SLC16A10: variants seen among roughly 807,000 people sequenced by gnomAD.
SLC16A10 encodes solute carrier family 16 member 10.
In SLC16A10, 27 loss-of-function variants were observed where a neutral mutation model predicts 40.0. The observed-to-expected ratio is 0.67, with a 90% CI of 0.50 to 0.93. The LOEUF (loss-of-function observed/expected upper bound fraction) is 0.93, where lower values mean the gene tolerates loss of function less well. Among genes scored for constraint, SLC16A10 ranks in the 40% least tolerant of loss-of-function variants. SLC16A10 has a pLI of 0.00. For missense variants in SLC16A10, 529 were observed against 658.2 expected (o/e 0.80, Z 2.15); for synonymous variants, 213 against 249.8 (o/e 0.85, Z 1.39).
chr6:111,106,521 G>A (rs1463671600), intron 1 of SLC16A10, among the ~76,000 whole-genome samples: 1 of 152,134 alleles, frequency 6.6e-6, no homozygotes, highest in Non-Finnish European at 1.5e-5. Flanking sequence ...GTGTCTGGTG[G>A]CAACTGAGAA....
At chr6:111,167,533 C>G (rs1249875186) in intron 1 of SLC16A10, among the ~76,000 whole-genome samples, 1 of 151,978 alleles carries the variant, frequency 6.6e-6, no homozygotes, top group Non-Finnish European at 1.5e-5. Flanking sequence ...TGTTAACTTT[C>G]GAGGAGAGAT....
chr6:111,111,228 A>T (rs1026158484), intron 1 of SLC16A10, among the ~76,000 whole-genome samples: 1 of 152,216 alleles, frequency 6.6e-6, no homozygotes, highest in Non-Finnish European at 1.5e-5. Flanking sequence ...TGTAAAAAAA[A>T]TTGACAGATA....
chr6:111,092,477 G>A (rs1351125720), intron 1 of SLC16A10, among the ~76,000 whole-genome samples: 1 of 151,356 alleles, frequency 6.6e-6, no homozygotes, highest in Non-Finnish European at 1.5e-5. Context: ...CACCACACCT[G>A]GCTAATTTTT....
chr6:111,130,209 A>AT (rs1216939123), intron 1 of SLC16A10, among the ~76,000 whole-genome samples: 1 of 152,206 alleles, frequency 6.6e-6, no homozygotes, highest in African/African-American at 2.4e-5. Context: ...GTACTGTAGC[A>AT]TGTATAGTCA....
At chr6:111,189,610 G>A (rs1444057342) in intron 3 of SLC16A10, among the ~76,000 whole-genome samples, 4 of 152,166 alleles carry the variant, frequency 2.6e-5, no homozygotes, top group African/African-American at 9.7e-5. Context: ...TGGACTTAAA[G>A]TTCCACATGG....
rs570020883 is a variant in SLC16A10, at chr6:111,197,853, T to C, written c.943-8739T>C. On this transcript the variant is annotated intron_variant, in intron 3 of 5. Coordinates refer to ENST00000368851, the MANE Select transcript of SLC16A10 (RefSeq NM_018593.5). ...GTGAACACAAGCAATAACTCACTTA[T>C]CACCAAGGGAATGGTGCTAAGCCAC... Among the ~76,000 whole-genome samples the C allele has an allele frequency of 1.8e-4, 27 of 152,210 alleles. No individual in the cohort carries two copies. In the South Asian group the frequency reaches 5.6e-3, roughly 32 times the overall value.
intron 1 of SLC16A10, among the ~76,000 whole-genome samples, chr6:111,156,942 G>A (rs537010896): frequency 2.6e-5 from 4 of 152,070 alleles, no homozygotes; most frequent in East Asian, 1.9e-4. Flanking sequence ...ATTTTGAGAC[G>A]GAGTCTTGTT....
intron 3 of SLC16A10, among the ~76,000 whole-genome samples, chr6:111,182,310 C>CTTTTTT (rs372963281): frequency 1.5e-4 from 16 of 103,628 alleles, no homozygotes; most frequent in African/African-American, 3.7e-4. Context: ...CTCTGGGTTT[C>CTTTTTT]TTTTTTTTTT....
chr6:111,229,139 G>A lies in SLC16A10; in HGVS notation c.*6904G>A, dbSNP rs1771062086. 6.6e-6 allele frequency: 1 copy of A among 151,420 alleles called. No homozygotes were observed. Among genetic ancestry groups the A allele is most frequent in the Non-Finnish European group, 1.5e-5 (1 of 67,946 alleles). The allele number at this position is 151,420 out of a possible 1,614,324, so 9.4% of individuals were successfully genotyped here. A position where few individuals can be genotyped will look rare whatever the true frequency, so the allele number is the denominator to read the frequency against. On this transcript the variant is annotated 3_prime_UTR_variant, in exon 6 of 6. Coordinates refer to ENST00000368851, the MANE Select transcript of SLC16A10 (RefSeq NM_018593.5). ...CAAAGATTATTAGATCAAGATTGGT[G>A]CTATACTTCATGTTCCTTTCAAAAT... is the stretch of plus-strand genomic sequence containing the variant.
intron 3 of SLC16A10, among the ~76,000 whole-genome samples, chr6:111,182,276 C>T (rs868413889): frequency 1.4e-5 from 2 of 147,142 alleles, no homozygotes; most frequent in Non-Finnish European, 3.0e-5. Flanking sequence ...GCTGGGATTA[C>T]GGGTGTGAGC....
intron 1 of SLC16A10, among the ~76,000 whole-genome samples, chr6:111,121,734 A>T (rs12196955): frequency 6.6e-6 from 1 of 152,158 alleles, no homozygotes; most frequent in African/African-American, 2.4e-5. Flanking sequence ...AGCCAGGGCC[A>T]GATTCCTGGG....
chr6:111,190,461 C>T (rs1772971058), intron 3 of SLC16A10, among the ~76,000 whole-genome samples: 3 of 152,216 alleles, frequency 2.0e-5, no homozygotes, highest in Admixed American at 2.0e-4. Flanking sequence ...AGGCAGTGCC[C>T]CACTGGGGAC....
chr6:111,155,067 C>G lies in SLC16A10; in HGVS notation c.344-17628C>G, dbSNP rs112596346. On this transcript the variant is annotated intron_variant, in intron 1 of 5. Coordinates refer to ENST00000368851, the MANE Select transcript of SLC16A10 (RefSeq NM_018593.5). Reference sequence around the variant, plus strand: ...AAAGACAATTCTGAAAGTGGTGAGTCGTTCTACCAGGGGCCAGGATGATCT... The same window carrying G: ...AAAGACAATTCTGAAAGTGGTGAGTGGTTCTACCAGGGGCCAGGATGATCT... 2.5e-3 allele frequency among the ~76,000 whole-genome samples: 373 copies of G among 149,484 alleles called. 2 individuals carry two copies. Among genetic ancestry groups the G allele is most frequent in the African/African-American group, 8.6e-3 (352 of 40,740 alleles).
chr6:111,145,573 A>G (rs1032821791), intron 1 of SLC16A10, among the ~76,000 whole-genome samples: 1 of 152,126 alleles, frequency 6.6e-6, no homozygotes, highest in African/African-American at 2.4e-5. Context: ...CACACCATAT[A>G]AAAAAATAAC....
intron 1 of SLC16A10, among the ~76,000 whole-genome samples, chr6:111,105,875 G>A (rs1256317508): frequency 1.3e-5 from 2 of 152,218 alleles, no homozygotes; most frequent in African/African-American, 4.8e-5. Flanking sequence ...AGTAACAGCA[G>A]AGGGTGGATG....
At chr6:111,156,218 G>T (rs1253420734) in intron 1 of SLC16A10, among the ~76,000 whole-genome samples, 2 of 152,178 alleles carry the variant, frequency 1.3e-5, no homozygotes, top group African/African-American at 2.4e-5. Context: ...CCATGCAGAA[G>T]AATTCCAAGT....
At chr6:111,099,517 G>C (rs191038973) in intron 1 of SLC16A10, among the ~76,000 whole-genome samples, 1 of 151,864 alleles carries the variant, frequency 6.6e-6, no homozygotes, top group African/African-American at 2.4e-5. Flanking sequence ...GTCTCACCAC[G>C]TTGCCCAGGT....
At chr6:111,196,549 CT>C (rs1450195448) in intron 3 of SLC16A10, among the ~76,000 whole-genome samples, 4 of 152,074 alleles carry the variant, frequency 2.6e-5, no homozygotes, top group Non-Finnish European at 5.9e-5. Context: ...TGGCTTATGC[CT>C]GTAATCCCAG....
chr6:111,158,539 C>T (rs1167799160), intron 1 of SLC16A10, among the ~76,000 whole-genome samples: 5 of 152,150 alleles, frequency 3.3e-5, no homozygotes, highest in East Asian at 1.9e-4. Flanking sequence ...TGTGCTGATC[C>T]GACAGGAGGT....
Sources: gnomAD v4.1 joint callset for allele counts (sites outside exome capture counted in the v4.1 genomes callset) on GRCh38, gnomAD v4.1.1 for gene constraint, MANE v1.5 for transcripts, NCBI Gene and HGNC (gene_info 2026-07-23, HGNC 2026-07-21) for gene names.